INPP5A: variants seen among roughly 807,000 people sequenced by gnomAD.
INPP5A encodes 43 kDa inositol polyphosphate 5-phophatase.
Under a neutral mutation model 65.2 loss-of-function variants are expected in INPP5A, and 14 were observed. The ratio of observed to expected loss-of-function variants is 0.21; its 90% confidence interval spans 0.14 to 0.34. The LOEUF (loss-of-function observed/expected upper bound fraction) is 0.34. INPP5A is among the 10% of genes least tolerant of loss of function. INPP5A has a pLI of 1.00. For synonymous variants in INPP5A, 207 were observed against 208.3 expected (o/e 0.99, Z 0.05); for missense variants, 431 against 545.6 (o/e 0.79, Z 2.09).
At chr10:132,695,710 C>G (rs1845334586) in intron 5 of INPP5A, among the ~76,000 whole-genome samples, 1 of 152,194 alleles carries the variant, frequency 6.6e-6, no homozygotes, top group Non-Finnish European at 1.5e-5. Context: ...CAGCAATGAA[C>G]AGGTGGAATT....
intron 7 of INPP5A, 145 bp downstream of exon 7, chr10:132,708,510 C>CT: frequency 1.2e-6 from 1 of 820,474 alleles, no homozygotes; most frequent in Non-Finnish European, 2.2e-6. Context: ...ACCTGCCACT[C>CT]TGACCCTTTT....
rs2071400861 is a variant in INPP5A at position 132,575,376 on chromosome 10, C to T, written c.76-32539C>T. Among the ~76,000 whole-genome samples, 1 of 152,126 alleles carries T rather than the reference C, an allele frequency of 6.6e-6. No homozygotes were observed. Among genetic ancestry groups the T allele is most frequent in the South Asian group, 2.1e-4 (1 of 4,834 alleles). ...GACATGTGGCTAGCCTGCTCCCAGC[C>T]CCCCGCAGCTCACAGGGTCAGGATG... On this transcript the variant is annotated intron_variant, in intron 1 of 15. Transcript: ENST00000368594. This position sits in a 1 kb window ranked among gnomAD's most constrained non-coding sequence, Gnocchi z 5.4.
intron 4 of INPP5A, among the ~76,000 whole-genome samples, chr10:132,653,727 A>G (rs1336677578): frequency 6.6e-6 from 1 of 152,280 alleles, no homozygotes; most frequent in African/African-American, 2.4e-5. Context: ...GAGAATTACA[A>G]GGTATTTTAA....
intron 1 of INPP5A, among the ~76,000 whole-genome samples, chr10:132,571,029 C>A (rs1035381567): frequency 6.6e-6 from 1 of 152,014 alleles, no homozygotes; most frequent in Non-Finnish European, 1.5e-5. Flanking sequence ...GGGTTCGGGG[C>A]GTTGGAACAT....
chr10:132,736,123 C>T (rs749688599), intron 9 of INPP5A, among the ~76,000 whole-genome samples: 40 of 152,250 alleles, frequency 2.6e-4, no homozygotes, highest in Non-Finnish European at 5.1e-4. Context: ...TGAAACACGC[C>T]AGTCGTGTGC....
At chr10:132,624,999 A>G (rs866683500) in intron 2 of INPP5A, among the ~76,000 whole-genome samples, 1 of 148,454 alleles carries the variant, frequency 6.7e-6, no homozygotes, top group South Asian at 2.2e-4. Context: ...CCCTGCTGCC[A>G]CCCTGCCCAC....
intron 4 of INPP5A, among the ~76,000 whole-genome samples, chr10:132,687,073 T>G (rs1318531501): frequency 6.6e-6 from 1 of 152,230 alleles, no homozygotes; most frequent in Non-Finnish European, 1.5e-5. Flanking sequence ...GCCTCCCAAG[T>G]AGCTGGGATT....
intron 9 of INPP5A, among the ~76,000 whole-genome samples, chr10:132,738,709 T>G (rs1846221703): frequency 6.6e-6 from 1 of 152,160 alleles, no homozygotes; most frequent in African/African-American, 2.4e-5. Context: ...GGAGCAACCT[T>G]GGGAGAGGAC....
At chr10:132,599,916 G>C (rs922981845) in intron 1 of INPP5A, among the ~76,000 whole-genome samples, 8 of 152,210 alleles carry the variant, frequency 5.3e-5, no homozygotes, top group African/African-American at 1.9e-4. Flanking sequence ...TGGAGTGGCT[G>C]GGATGCAGGT....
At chr10:132,746,803 A>G (rs1846378842) in intron 9 of INPP5A, among the ~76,000 whole-genome samples, 1 of 152,238 alleles carries the variant, frequency 6.6e-6, no homozygotes, top group Non-Finnish European at 1.5e-5. Context: ...ATCCCTTCCC[A>G]AAGTAGGCGA....
chr10:132,606,698 T>C (rs533946327), intron 1 of INPP5A, among the ~76,000 whole-genome samples: 63 of 152,388 alleles, frequency 4.1e-4, no homozygotes, highest in Non-Finnish European at 7.2e-4. Context: ...TGTGTTTGCG[T>C]GGGCGCGGAG....
At chr10:132,779,813 G>A (rs1847128013) in intron 13 of INPP5A, among the ~76,000 whole-genome samples, 1 of 152,218 alleles carries the variant, frequency 6.6e-6, no homozygotes, top group Non-Finnish European at 1.5e-5. Context: ...TGCCTCCGGA[G>A]CCCTAAAACA....
At chr10:132,548,534 T>C (rs2071007838) in intron 1 of INPP5A, among the ~76,000 whole-genome samples, 1 of 152,202 alleles carries the variant, frequency 6.6e-6, no homozygotes, top group African/African-American at 2.4e-5. Flanking sequence ...TGTGAGTGTA[T>C]GGTTCACTGA....
chr10:132,715,047 C>T (rs1389382678), intron 8 of INPP5A, among the ~76,000 whole-genome samples: 3 of 151,700 alleles, frequency 2.0e-5, no homozygotes, highest in African/African-American at 7.3e-5. Context: ...CTCTTGGAGG[C>T]GCCGAGCACT....
At chr10:132,589,515 G>C (rs889865833) in intron 1 of INPP5A, among the ~76,000 whole-genome samples, 4 of 152,262 alleles carry the variant, frequency 2.6e-5, no homozygotes, top group African/African-American at 4.8e-5. Context: ...ACTGGCCACA[G>C]CCTCCACTGC....
At chr10:132,573,989 G>A (rs1268938069) in intron 1 of INPP5A, among the ~76,000 whole-genome samples, 4 of 121,488 alleles carry the variant, frequency 3.3e-5, no homozygotes, top group African/African-American at 1.1e-4. Context: ...TGGGGTGTAC[G>A]TGCCGTGGGA....
At chr10:132,757,657 G>T (rs1302240579) in intron 11 of INPP5A, among the ~76,000 whole-genome samples, 2 of 152,246 alleles carry the variant, frequency 1.3e-5, no homozygotes, top group Admixed American at 1.3e-4. Context: ...TGACTTGGTG[G>T]CTATTGAGGG....
intron 4 of INPP5A, among the ~76,000 whole-genome samples, chr10:132,664,207 T>C (rs1053846583): frequency 6.6e-6 from 1 of 152,248 alleles, no homozygotes; most frequent in Non-Finnish European, 1.5e-5. Flanking sequence ...TGGCTTTCTT[T>C]CCTGTGCAAA....
At chr10:132,692,054 C>G (rs931552195) in intron 5 of INPP5A, among the ~76,000 whole-genome samples, 1 of 151,878 alleles carries the variant, frequency 6.6e-6, no homozygotes, top group South Asian at 2.1e-4. Context: ...CGGGGGGCCT[C>G]GGGCTGGGCG....
Sources: allele counts gnomAD v4.1 joint callset (sites outside exome capture counted in the v4.1 genomes callset), GRCh38; gene constraint gnomAD v4.1.1; non-coding constraint Gnocchi (gnomAD v3.1); transcripts MANE v1.5; gene names NCBI Gene and HGNC (gene_info 2026-07-23, HGNC 2026-07-21).